The following SPAG16 variants were observed in gnomAD, a reference collection of about 807,000 sequenced individuals.
The protein encoded by SPAG16 is sperm-associated antigen 16 protein.
SPAG16 carries 86 observed loss-of-function variants against 80.4 expected under a neutral mutation model. That is an observed-to-expected ratio of 1.07 (90% CI 0.90 to 1.28). The LOEUF (loss-of-function observed/expected upper bound fraction) is 1.28, where lower values mean the gene tolerates loss of function less well. Among genes scored for constraint, SPAG16 ranks in the 50% most tolerant of loss-of-function variants. The pLI is 0.00. For missense variants in SPAG16, 870 were observed against 765.3 expected (o/e 1.14, Z -1.61); for synonymous variants, 294 against 265.9 (o/e 1.11, Z -1.03).
chr2:213,441,323 A>G (rs1489668922), intron 9 of SPAG16, among the ~76,000 whole-genome samples: 1 of 152,236 alleles, frequency 6.6e-6, no homozygotes, highest in Non-Finnish European at 1.5e-5. Context: ...AAAATGTAGA[A>G]AGCACTGTAA....
chr2:214,040,455 A>C (rs1195444045), intron 13 of SPAG16, among the ~76,000 whole-genome samples: 1 of 152,078 alleles, frequency 6.6e-6, no homozygotes, highest in Middle Eastern at 3.2e-3. Context: ...TTACCCTCCC[A>C]AAATCCCCGG....
chr2:213,924,204 G>C (rs4672695), intron 11 of SPAG16, among the ~76,000 whole-genome samples: 2 of 151,998 alleles, frequency 1.3e-5, no homozygotes, highest in African/African-American at 2.4e-5. Context: ...CTGCTCTGGG[G>C]TTAAAGGCTT....
chr2:214,329,427 A>T (rs1437218523), intron 15 of SPAG16, among the ~76,000 whole-genome samples: 1 of 152,278 alleles, frequency 6.6e-6, no homozygotes, highest in East Asian at 1.9e-4. Flanking sequence ...ACAAATGAAT[A>T]GATAACATAG....
chr2:213,833,477 ATATATATAT>A (rs1559505872), intron 10 of SPAG16, among the ~76,000 whole-genome samples: 2 of 2,998 alleles, frequency 6.7e-4, no homozygotes, highest in South Asian at 0.1. Context: ...ATATATAATA[ATATATATAT>A]TATATATAAT....
chr2:213,695,955 C>T (rs955022867), intron 10 of SPAG16, among the ~76,000 whole-genome samples: 2 of 151,994 alleles, frequency 1.3e-5, no homozygotes, highest in African/African-American at 2.4e-5. Flanking sequence ...GATGGAGTTA[C>T]GTAAGGGTAG....
At chr2:213,548,152 A>G (rs1475153737) in intron 10 of SPAG16, among the ~76,000 whole-genome samples, 3 of 152,184 alleles carry the variant, frequency 2.0e-5, no homozygotes, top group Admixed American at 1.3e-4. Context: ...CCACTATTGT[A>G]TCATTTTTAC....
chr2:213,439,325 T>A (rs2070808248), intron 9 of SPAG16, among the ~76,000 whole-genome samples: 1 of 152,200 alleles, frequency 6.6e-6, no homozygotes, highest in Non-Finnish European at 1.5e-5. Context: ...AGGCTTTGGA[T>A]TTTTAAGAAG....
In SPAG16 at chr2:213,847,698, T is replaced by C. The variant is rs556844575; in HGVS notation, c.1071-14787T>C. On this transcript the variant is annotated intron_variant, in intron 10 of 15. Coordinates refer to ENST00000331683, the MANE Select transcript of SPAG16 (RefSeq NM_024532.5). ...TTTGATTCTTGTGCATTCTTATGCC[T>C]ACATAAGTTAGGTAGTGAGAGGACA... Among the ~76,000 whole-genome samples the C allele has an allele frequency of 2.0e-5, 3 of 152,284 alleles. No homozygotes were observed. The South Asian group carries it at 6.2e-4, about 32-fold the overall frequency.
At chr2:213,679,120 G>A (rs1305341910) in intron 10 of SPAG16, among the ~76,000 whole-genome samples, 1 of 152,002 alleles carries the variant, frequency 6.6e-6, no homozygotes, top group Non-Finnish European at 1.5e-5. Flanking sequence ...GATACCTGGG[G>A]GTGAATCAAT....
chr2:213,344,648 C>G (rs574865764), intron 6 of SPAG16, among the ~76,000 whole-genome samples: 2 of 151,324 alleles, frequency 1.3e-5, no homozygotes, highest in Admixed American at 1.3e-4. Context: ...TTTGTCCTTG[C>G]AATAGTTTGC....
intron 10 of SPAG16, among the ~76,000 whole-genome samples, chr2:213,503,459 C>G (rs895105444): frequency 6.6e-6 from 1 of 152,142 alleles, no homozygotes. Context: ...AAGCAACAGC[C>G]CCATTGCTCC....
intron 10 of SPAG16, among the ~76,000 whole-genome samples, chr2:213,718,149 C>CAAAAAAAA (rs71063769): frequency 1.2e-4 from 11 of 92,218 alleles, no homozygotes; most frequent in African/African-American, 1.4e-4. Flanking sequence ...AACAAGTTTA[C>CAAAAAAAA]AAAAAAAAAA....
intron 10 of SPAG16, among the ~76,000 whole-genome samples, chr2:213,766,622 C>T (rs548370602): frequency 2.6e-5 from 4 of 152,106 alleles, no homozygotes; most frequent in Admixed American, 1.3e-4. Flanking sequence ...GTCTCAGTGT[C>T]GAGAAAGCAC....
intron 14 of SPAG16, among the ~76,000 whole-genome samples, chr2:214,122,450 A>G (rs2054268103): frequency 6.6e-6 from 1 of 151,864 alleles, no homozygotes; most frequent in Non-Finnish European, 1.5e-5. Context: ...AAAAACTGCA[A>G]TTGCCTACCT....
At chr2:213,770,951 T>C (rs2069210353) in intron 10 of SPAG16, among the ~76,000 whole-genome samples, 2 of 152,228 alleles carry the variant, frequency 1.3e-5, no homozygotes, top group Non-Finnish European at 2.9e-5. Context: ...TATAATAGAA[T>C]GATTTATATT....
chr2:214,119,567 C>T (rs1325327145), intron 14 of SPAG16, among the ~76,000 whole-genome samples: 4 of 152,062 alleles, frequency 2.6e-5, no homozygotes, highest in African/African-American at 9.7e-5. Flanking sequence ...ATGGACATTC[C>T]ATAGGGCCTT....
intron 15 of SPAG16, among the ~76,000 whole-genome samples, chr2:214,249,573 T>C (rs888382099): frequency 3.9e-5 from 6 of 152,138 alleles, no homozygotes; most frequent in African/African-American, 1.4e-4. Flanking sequence ...AAATTATTTT[T>C]ATATGACAAG....
intron 15 of SPAG16, among the ~76,000 whole-genome samples, chr2:214,393,502 T>A (rs1207951295): frequency 6.6e-6 from 1 of 151,906 alleles, no homozygotes; most frequent in East Asian, 1.9e-4. Context: ...GTCTAAAAAA[T>A]TTTTATGAAT....
chr2:213,858,529 A>G (rs2075275755), intron 10 of SPAG16, among the ~76,000 whole-genome samples: 1 of 152,208 alleles, frequency 6.6e-6, no homozygotes, highest in Non-Finnish European at 1.5e-5. Context: ...CATAACTTTT[A>G]TATGTACTGG....
Sources: allele counts gnomAD v4.1 joint callset (sites outside exome capture counted in the v4.1 genomes callset), GRCh38; gene constraint gnomAD v4.1.1; transcripts MANE v1.5; gene names NCBI Gene and HGNC (gene_info 2026-07-23, HGNC 2026-07-21).